The following C10orf143 variants were observed in gnomAD, a reference collection of about 807,000 sequenced individuals.
C10orf143 encodes the protein uncharacterized protein C10orf143.
At chr10:130,109,821 T>C (rs1037196773) in intron 1 of C10orf143, among the ~76,000 whole-genome samples, 1 of 151,976 alleles carries the variant, frequency 6.6e-6, no homozygotes, top group African/African-American at 2.4e-5. Context: ...AGACGGATCC[T>C]GCACTTACCA....
chr10:130,082,620 A>T (rs591653), intron 1 of C10orf143, among the ~76,000 whole-genome samples: 142,887 of 152,302 alleles, frequency 0.94, 67,080 homozygotes, highest in African/African-American at 0.96. Context: ...AAGACGTGCC[A>T]TTCACCTTCT....
intron 1 of C10orf143, among the ~76,000 whole-genome samples, chr10:130,093,459 T>A (rs563491256): frequency 9.9e-5 from 15 of 152,136 alleles, no homozygotes; most frequent in African/African-American, 3.6e-4. Context: ...CAGGAGAAAG[T>A]GGGAAAGATC....
In C10orf143 at chr10:130,064,060, G is replaced by GTAAA. The variant is rs777040133; in HGVS notation, c.*290_*293dup. 1 of 291,098 alleles carries GTAAA rather than the reference G, an allele frequency of 3.4e-6. No individual in the cohort carries two copies. The highest frequency in any genetic ancestry group is 6.3e-6 in the Non-Finnish European group (1 of 158,790). 18.0% of individuals were successfully genotyped at this position (291,098 alleles called of 1,614,324 possible). A position where few individuals can be genotyped will look rare whatever the true frequency, so the allele number is the denominator to read the frequency against. On this transcript the variant is annotated 3_prime_UTR_variant, in exon 4 of 4. Coordinates refer to ENST00000637128, the MANE Select transcript of C10orf143 (RefSeq NM_001355042.2). ...AGTTTGATACAAAATTTTTTGACTT[G>GTAAA]TAAATAATGCAATTGATCTCCCTCT...
chr10:130,077,551 C>A (rs1193793007), intron 3 of C10orf143, among the ~76,000 whole-genome samples: 1 of 152,230 alleles, frequency 6.6e-6, no homozygotes, highest in Non-Finnish European at 1.5e-5. Context: ...TGCCTACGGG[C>A]ATCATGGGAG....
At chr10:130,057,177 C>T (rs560338363) in intron 3 of C10orf143, among the ~76,000 whole-genome samples, 2 of 152,108 alleles carry the variant, frequency 1.3e-5, no homozygotes, top group African/African-American at 4.8e-5. Context: ...CAGGTGTGAG[C>T]TACCACATCT....
intron 1 of C10orf143, among the ~76,000 whole-genome samples, chr10:130,087,033 G>A (rs577419814): frequency 7.5e-4 from 114 of 152,342 alleles, no homozygotes; most frequent in African/African-American, 2.7e-3. Flanking sequence ...CCACCAAGGC[G>A]AGCAGAGTGT....
intron 1 of C10orf143, chr10:130,106,508 G>C: frequency 6.2e-7 from 1 of 1,601,146 alleles, no homozygotes; most frequent in Non-Finnish European, 8.5e-7. Flanking sequence ...GTTAAAAGAA[G>C]AGAAATCTAA....
chr10:130,059,489 G>A (rs549880302), downstream of C10orf143, among the ~76,000 whole-genome samples: 40 of 152,084 alleles, frequency 2.6e-4, no homozygotes, highest in Non-Finnish European at 4.9e-4. Flanking sequence ...AGACACACAC[G>A]GCCAGTAAGC....
Position 130,110,795 on chromosome 10 carries a change from C to T in C10orf143, c.-23G>A. The T allele has an allele frequency of 5.0e-6, 2 of 398,944 alleles. No individual in the cohort carries two copies. The highest frequency in any genetic ancestry group is 8.8e-6 in the Non-Finnish European group (2 of 226,170). The allele number at this position is 398,944 out of a possible 1,614,324, so 24.7% of individuals were successfully genotyped here. ...CATGCAGCCCCAGGGTCAAACCCTC[C>T]CGGCATCTCAGGCCTGGCCGAGGCC... On this transcript the variant is annotated 5_prime_UTR_variant, in exon 1 of 4. Transcript: ENST00000637128.
chr10:130,067,676 C>T (rs1272671543), intron 3 of C10orf143: 3 of 152,206 alleles, frequency 2.0e-5, no homozygotes, highest in African/African-American at 7.2e-5. Context: ...ACAGTAAAAG[C>T]TTGGACCTCT....
chr10:130,062,089 A>AGGAATTTCTG, downstream of C10orf143, among the ~76,000 whole-genome samples: 3 of 152,342 alleles, frequency 2.0e-5, no homozygotes, highest in South Asian at 6.2e-4. Flanking sequence ...GACCACACCT[A>AGGAATTTCTG]GGAAAATCTG....
At chr10:130,055,844 G>A (rs1056709654) in intron 3 of C10orf143, among the ~76,000 whole-genome samples, 13 of 151,534 alleles carry the variant, frequency 8.6e-5, no homozygotes, top group African/African-American at 3.1e-4. Flanking sequence ...TACTTGGGAG[G>A]CTGAGGCAGG....
chr10:130,092,367 G>A (rs1321073559), intron 1 of C10orf143, among the ~76,000 whole-genome samples: 1 of 152,156 alleles, frequency 6.6e-6, no homozygotes, highest in Non-Finnish European at 1.5e-5. Flanking sequence ...AGCAAATGCT[G>A]AGAGATTTTG....
At chr10:130,063,060 T>C (rs1860873654), downstream of C10orf143, among the ~76,000 whole-genome samples, 1 of 151,782 alleles carries the variant, frequency 6.6e-6, no homozygotes, top group African/African-American at 2.4e-5. Context: ...GGAGATGAGA[T>C]GGGAACTCAC....
chr10:130,099,858 A>T (rs1171736), intron 1 of C10orf143, among the ~76,000 whole-genome samples: 23 of 129,940 alleles, frequency 1.8e-4, no homozygotes, highest in Admixed American at 3.0e-4. Flanking sequence ...TTTTTTTTTT[A>T]AGATGGACTC....
At chr10:130,054,815 T>C (rs902333876) in intron 3 of C10orf143, among the ~76,000 whole-genome samples, 4 of 152,212 alleles carry the variant, frequency 2.6e-5, no homozygotes, top group African/African-American at 2.4e-5. Context: ...TTTTGAAATA[T>C]ATTACAAAGC....
chr10:130,037,897 A>G (rs1449856214), intron 3 of C10orf143, among the ~76,000 whole-genome samples: 2 of 152,178 alleles, frequency 1.3e-5, no homozygotes, highest in South Asian at 4.1e-4. Context: ...GCGGCAGGTT[A>G]GAAGTCTAAG....
At chr10:130,110,511 G>A (rs1292013289) in intron 1 of C10orf143, among the ~76,000 whole-genome samples, 193 bp downstream of exon 1, 1 of 152,264 alleles carries the variant, frequency 6.6e-6, no homozygotes, top group Non-Finnish European at 1.5e-5. Flanking sequence ...CGGGAGAGCG[G>A]CGTCACAACC....
chr10:130,046,102 C>T (rs1486330686), intron 3 of C10orf143, among the ~76,000 whole-genome samples: 2 of 55,022 alleles, frequency 3.6e-5, no homozygotes, highest in Admixed American at 4.5e-4. Flanking sequence ...GGGGATGGGG[C>T]GGGGCGTGGG....
Sources: allele counts gnomAD v4.1 joint callset (sites outside exome capture counted in the v4.1 genomes callset), GRCh38; gene constraint gnomAD v4.1.1; transcripts MANE v1.5; gene names NCBI Gene and HGNC (gene_info 2026-07-23, HGNC 2026-07-21).